MACROD2: variants seen among roughly 807,000 people sequenced by gnomAD.
MACROD2 encodes mono-ADP ribosylhydrolase 2.
MACROD2 carries 36 observed loss-of-function variants against 70.4 expected under a neutral mutation model. The observed-to-expected ratio is 0.51, with a 90% CI of 0.39 to 0.68. The LOEUF (loss-of-function observed/expected upper bound fraction) is 0.68. Ranked by LOEUF, MACROD2 falls within the 30% of genes least tolerant of loss-of-function variation. The pLI is 0.00. For missense variants in MACROD2, 496 were observed against 538.4 expected (o/e 0.92, Z 0.78); for synonymous variants, 172 against 178.8 (o/e 0.96, Z 0.30).
intron 3 of MACROD2, among the ~76,000 whole-genome samples, chr20:14,276,128 TGTATA>T (rs2082252858): frequency 1.3e-5 from 2 of 152,098 alleles, no homozygotes; most frequent in Admixed American, 1.3e-4. Context: ...CATTACTGGG[TGTATA>T]CCCAAAGGAC....
chr20:15,867,645 A>G (rs181147717), intron 9 of MACROD2, among the ~76,000 whole-genome samples: 1 of 152,168 alleles, frequency 6.6e-6, no homozygotes, highest in Non-Finnish European at 1.5e-5. Flanking sequence ...GTAAAAAATT[A>G]AAAAAAGAAA....
intron 5 of MACROD2, among the ~76,000 whole-genome samples, chr20:15,052,866 A>G (rs183007805): frequency 1.5e-4 from 23 of 152,378 alleles, no homozygotes; most frequent in Non-Finnish European, 2.6e-4. Context: ...AATGCAAAGG[A>G]AAAGTTCTTG....
intron 4 of MACROD2, among the ~76,000 whole-genome samples, chr20:14,596,524 C>T (rs1254944016): frequency 1.3e-5 from 2 of 151,328 alleles, no homozygotes; most frequent in Non-Finnish European, 2.9e-5. Context: ...GTCAATTACT[C>T]ATAAAATTTA....
chr20:15,206,576 T>G (rs1267711675), intron 5 of MACROD2, among the ~76,000 whole-genome samples: 1 of 151,908 alleles, frequency 6.6e-6, no homozygotes, highest in Non-Finnish European at 1.5e-5. Flanking sequence ...TCATGGCCAA[T>G]CCAGTGAATC....
chr20:15,584,982 C>T (rs1464853606), intron 8 of MACROD2, among the ~76,000 whole-genome samples: 1 of 152,164 alleles, frequency 6.6e-6, no homozygotes, highest in African/African-American at 2.4e-5. Flanking sequence ...ACCAGTCTTT[C>T]CAGGATGGAG....
At chr20:15,874,036 G>C (rs1195145813) in intron 9 of MACROD2, among the ~76,000 whole-genome samples, 1 of 151,752 alleles carries the variant, frequency 6.6e-6, no homozygotes, top group African/African-American at 2.4e-5. Flanking sequence ...TTTACCTTAG[G>C]TATTTCTCCT....
chr20:14,604,834 T>A (rs148898788), intron 4 of MACROD2, among the ~76,000 whole-genome samples: 67 of 152,274 alleles, frequency 4.4e-4, no homozygotes, highest in Admixed American at 2.0e-3. Context: ...AGGAAGAAGA[T>A]CCCCTCATAC....
chr20:15,170,988 G>A lies in MACROD2; in HGVS notation c.419-58952G>A, dbSNP rs143555374. Among the ~76,000 whole-genome samples, 1,252 of 152,212 alleles carry A rather than the reference G, an allele frequency of 8.2e-3. 7 individuals are homozygous for A. The highest frequency in any genetic ancestry group is 0.01 in the Non-Finnish European group (702 of 68,028). ...TTTTACTCAGTATGGCAGGGCGGTC[G>A]CTGTCATCTAAGACCATGGAAAATT... On this transcript the variant is annotated intron_variant, in intron 5 of 17. Coordinates refer to ENST00000684519, the MANE Select transcript of MACROD2 (RefSeq NM_001351661.2).
intron 5 of MACROD2, among the ~76,000 whole-genome samples, chr20:14,745,145 G>A (rs140596408): frequency 5.7e-4 from 87 of 152,148 alleles, no homozygotes; most frequent in African/African-American, 1.2e-3. Context: ...GACTTCCTGG[G>A]CATCCTGAAA....
At chr20:14,613,748 A>C (rs1259670430) in intron 4 of MACROD2, among the ~76,000 whole-genome samples, 2 of 152,100 alleles carry the variant, frequency 1.3e-5, no homozygotes, top group Non-Finnish European at 2.9e-5. Context: ...GAATGATAGG[A>C]GTTTTAAAAA....
At chr20:14,676,262 A>G (rs1359804677) in intron 4 of MACROD2, among the ~76,000 whole-genome samples, 1 of 152,168 alleles carries the variant, frequency 6.6e-6, no homozygotes, top group Non-Finnish European at 1.5e-5. Context: ...TCAGCACCAC[A>G]TCATGCTTAT....
At chr20:14,668,155 T>A (rs923994120) in intron 4 of MACROD2, among the ~76,000 whole-genome samples, 1 of 143,050 alleles carries the variant, frequency 7.0e-6, no homozygotes. Context: ...CCCTGTCTCT[T>A]AAAAAAAAAA....
intron 8 of MACROD2, among the ~76,000 whole-genome samples, chr20:15,656,089 C>T (rs936889810): frequency 6.6e-6 from 1 of 152,172 alleles, no homozygotes; most frequent in African/African-American, 2.4e-5. Flanking sequence ...GGCTTATACA[C>T]ATGAGTCTGT....
Position 14,290,314 on chromosome 20 carries a change from A to T in MACROD2, c.272-203165A>T, listed in dbSNP as rs547049815. ...AAGATAGATACATAGTATAAAAAAG[A>T]AGTTTCTTAAAGGAGAGATGGGACT... On this transcript the variant is annotated intron_variant, in intron 3 of 17. Coordinates refer to ENST00000684519, the MANE Select transcript of MACROD2 (RefSeq NM_001351661.2). Among the ~76,000 whole-genome samples, 5 of 152,314 alleles carry T rather than the reference A, an allele frequency of 3.3e-5. No individual in the cohort carries two copies. The South Asian group carries it at 1.0e-3, about 32-fold the overall frequency.
chr20:15,152,451 TG>T (rs140661769), intron 5 of MACROD2, among the ~76,000 whole-genome samples: 82,699 of 141,056 alleles, frequency 0.59, 24,446 homozygotes, highest in East Asian at 0.64. Flanking sequence ...GATAAGAGGT[TG>T]GGGGCGTGGA....
intron 4 of MACROD2, among the ~76,000 whole-genome samples, chr20:14,674,976 C>T (rs532501626): frequency 6.6e-6 from 1 of 152,266 alleles, no homozygotes; most frequent in South Asian, 2.1e-4. Context: ...TCCAAAATCT[C>T]CCTGTGAAAA....
intron 10 of MACROD2, among the ~76,000 whole-genome samples, chr20:15,916,480 A>G (rs1037959276): frequency 6.6e-6 from 1 of 152,182 alleles, no homozygotes; most frequent in Non-Finnish European, 1.5e-5. Flanking sequence ...CTTAAAACCC[A>G]TCTCTTGAAG....
intron 3 of MACROD2, among the ~76,000 whole-genome samples, chr20:14,379,750 G>C (rs1231491957): frequency 6.6e-6 from 1 of 152,040 alleles, no homozygotes; most frequent in Non-Finnish European, 1.5e-5. Context: ...TTAGCACAAT[G>C]CTTTTCAAGT....
At chr20:15,221,265 A>G (rs553940926) in intron 5 of MACROD2, among the ~76,000 whole-genome samples, 1 of 152,284 alleles carries the variant, frequency 6.6e-6, no homozygotes, top group East Asian at 1.9e-4. Flanking sequence ...TGAAACAGTC[A>G]TATTGTCTAT....
Sources: gnomAD v4.1 joint callset for allele counts (sites outside exome capture counted in the v4.1 genomes callset) on GRCh38, gnomAD v4.1.1 for gene constraint, MANE v1.5 for transcripts, NCBI Gene and HGNC (gene_info 2026-07-23, HGNC 2026-07-21) for gene names.